The following FMN1 variants were observed in gnomAD, a reference collection of about 807,000 sequenced individuals.
FMN1 encodes the protein formin-1.
In FMN1, 110 loss-of-function variants were observed where a neutral mutation model predicts 132.4. The observed-to-expected ratio is 0.83, with a 90% confidence interval of 0.71 to 0.97. The LOEUF (loss-of-function observed/expected upper bound fraction) is 0.97. Ranked by LOEUF, FMN1 falls within the 50% of genes least tolerant of loss-of-function variation. The pLI is 0.00. For synonymous variants in FMN1, 722 were observed against 651.7 expected (o/e 1.11, Z -1.64); for missense variants, 1,792 against 1,705.3 (o/e 1.05, Z -0.90).
At chr15:32,954,439 G>A (rs956466507) in intron 9 of FMN1, among the ~76,000 whole-genome samples, 3 of 152,138 alleles carry the variant, frequency 2.0e-5, no homozygotes, top group African/African-American at 7.2e-5. Context: ...GTCTTCATCT[G>A]CAAAGAAGTC....
chr15:33,188,926 T>C (rs1965981519), intron 2 of FMN1, among the ~76,000 whole-genome samples: 1 of 152,132 alleles, frequency 6.6e-6, no homozygotes, highest in African/African-American at 2.4e-5. Context: ...GAAAAATATC[T>C]TGTCACTTAA....
At chr15:32,781,403 CGTTA>C (rs1167106361) in intron 19 of FMN1, among the ~76,000 whole-genome samples, 5 of 152,166 alleles carry the variant, frequency 3.3e-5, no homozygotes, top group South Asian at 2.1e-4. Flanking sequence ...CACATGCACA[CGTTA>C]GTTACAATGA....
intron 17 of FMN1, among the ~76,000 whole-genome samples, chr15:32,838,044 G>T (rs2058666527): frequency 6.6e-6 from 1 of 152,110 alleles, no homozygotes; most frequent in Admixed American, 6.5e-5. Context: ...AGGGCTCGGG[G>T]AGCAATGAAG....
At chr15:33,105,715 T>G (rs2039459545) in intron 4 of FMN1, 1 of 152,192 alleles carries the variant, frequency 6.6e-6, no homozygotes, top group Non-Finnish European at 1.5e-5. Flanking sequence ...ACTTTTCCTT[T>G]TCTTCACTTT....
chr15:33,161,777 G>A (rs943165741), intron 3 of FMN1, among the ~76,000 whole-genome samples: 1 of 152,056 alleles, frequency 6.6e-6, no homozygotes, highest in African/African-American at 2.4e-5. Context: ...TATTAGCCAG[G>A]TGTGGTGGCG....
intron 3 of FMN1, among the ~76,000 whole-genome samples, chr15:33,165,769 G>T (rs988068795): frequency 1.4e-4 from 22 of 152,132 alleles, no homozygotes; most frequent in African/African-American, 5.3e-4. Flanking sequence ...CAGGCAGGGT[G>T]CTTTGATGGT....
chr15:33,187,616 A>G (rs909176109), intron 2 of FMN1, among the ~76,000 whole-genome samples: 11 of 152,226 alleles, frequency 7.2e-5, no homozygotes, highest in Non-Finnish European at 7.3e-5. Context: ...ACAGATGACT[A>G]CAACTGAGAG....
chr15:33,035,811 G>A (rs1216551384), intron 6 of FMN1, among the ~76,000 whole-genome samples: 2 of 152,144 alleles, frequency 1.3e-5, no homozygotes, highest in African/African-American at 4.8e-5. Flanking sequence ...CCACAATGTG[G>A]CAATATTTTG....
intron 6 of FMN1, among the ~76,000 whole-genome samples, chr15:33,025,949 T>A (rs138552924): frequency 2.6e-5 from 4 of 152,202 alleles, no homozygotes; most frequent in Non-Finnish European, 4.4e-5. Flanking sequence ...ACTAGAGGCG[T>A]GAGATAATGT....
At chr15:33,012,902 T>G (rs1360983162) in intron 6 of FMN1, 1 of 560,922 alleles carries the variant, frequency 1.8e-6, no homozygotes, top group Non-Finnish European at 3.4e-6. Context: ...TACAATGATT[T>G]TGGCAATTAA....
chr15:32,899,676 C>G (rs559154197), intron 14 of FMN1: 2 of 390,110 alleles, frequency 5.1e-6, no homozygotes, highest in East Asian at 5.4e-5. Context: ...GATCCTGGTA[C>G]TGTATGCTAT....
At chr15:32,880,062 T>C (rs150358673) in intron 16 of FMN1, among the ~76,000 whole-genome samples, 1 of 151,892 alleles carries the variant, frequency 6.6e-6, no homozygotes, top group African/African-American at 2.4e-5. Flanking sequence ...GTTTTTTTTT[T>C]ATTTTTCTCT....
At chr15:32,802,880 T>G (rs1338687008) in intron 18 of FMN1, among the ~76,000 whole-genome samples, 1 of 152,204 alleles carries the variant, frequency 6.6e-6, no homozygotes, top group Non-Finnish European at 1.5e-5. Context: ...CACAAACTCC[T>G]AAAAACATAG....
At chr15:32,849,303 A>G (rs11071994) in intron 17 of FMN1, among the ~76,000 whole-genome samples, 116,746 of 151,846 alleles carry the variant, frequency 0.77, 45,149 homozygotes, top group Middle Eastern at 0.82. Context: ...TCTTAGGTTA[A>G]TTCTTATTTG....
chr15:32,882,149 G>A (rs2059786278), intron 16 of FMN1, among the ~76,000 whole-genome samples: 1 of 152,154 alleles, frequency 6.6e-6, no homozygotes, highest in Non-Finnish European at 1.5e-5. Context: ...ATTTTTATCT[G>A]TAGTCCCTTT....
At chr15:33,165,649 C>T (rs1202432274) in intron 3 of FMN1, among the ~76,000 whole-genome samples, 4 of 152,154 alleles carry the variant, frequency 2.6e-5, no homozygotes. Context: ...CCTCGGCCTC[C>T]CAAAGTGCTG....
chr15:32,837,507 G>A (rs1279549158), intron 17 of FMN1, among the ~76,000 whole-genome samples: 1 of 152,172 alleles, frequency 6.6e-6, no homozygotes, highest in African/African-American at 2.4e-5. Flanking sequence ...CCAGTGATAA[G>A]GCAAGGGGTT....
Position 32,998,343 on chromosome 15 carries a change from G to A in FMN1, c.2223+9671C>T, listed in dbSNP as rs371351997. Among the ~76,000 whole-genome samples the A allele has an allele frequency of 2.6e-4, 40 of 152,278 alleles. 3 individuals are homozygous for A. In the East Asian group the frequency reaches 2.7e-3, roughly 10 times the overall value. ...CAATTTCAGCTAGTTGCCTAGCACT[G>A]ATCTAGGTAACATGGGAAAAGAAAA... On this transcript the variant is annotated intron_variant, in intron 7 of 20. Coordinates refer to ENST00000616417, the MANE Select transcript of FMN1 (RefSeq NM_001277313.2).
intron 6 of FMN1, among the ~76,000 whole-genome samples, chr15:33,017,334 G>C (rs1171306724): frequency 6.6e-6 from 1 of 152,026 alleles, no homozygotes; most frequent in Non-Finnish European, 1.5e-5. Flanking sequence ...TAATGTATTG[G>C]GTCAACTGTA....
Sources: gnomAD v4.1 joint callset for allele counts (sites outside exome capture counted in the v4.1 genomes callset) on GRCh38, gnomAD v4.1.1 for gene constraint, MANE v1.5 for transcripts, NCBI Gene and HGNC (gene_info 2026-07-23, HGNC 2026-07-21) for gene names.